Variants in AFG2B observed in about 807,000 individuals in gnomAD.
The protein encoded by AFG2B is AAA ATPase AFG2B.
At chr15:45,417,221 T>C in the AFG2B span, 5 of 1,581,298 alleles carry the variant, frequency 3.2e-6, no homozygotes, top group African/African-American at 5.4e-5. Flanking sequence ...TTTAGAAAAC[T>C]TATTAACAAC....
At chr15:45,415,993 A>G in the AFG2B span, 2 of 388,338 alleles carry the variant, frequency 5.2e-6, no homozygotes, top group Non-Finnish European at 9.1e-6. Flanking sequence ...GGTACATTTT[A>G]TAATAAATTA....
At chr15:45,403,761 C>G in the AFG2B span, among the ~76,000 whole-genome samples, 1 of 152,228 alleles carries the variant, frequency 6.6e-6, no homozygotes, top group Non-Finnish European at 1.5e-5. Flanking sequence ...GACCTGTTTC[C>G]CCAGAGTCTA....
chr15:45,410,565 T>C, the AFG2B span: 2 of 1,560,060 alleles, frequency 1.3e-6, no homozygotes, highest in Non-Finnish European at 1.7e-6. Flanking sequence ...CAGTAGGATA[T>C]TACAGATTAA....
At chr15:45,417,450 A>G in the AFG2B span, 22 of 1,600,532 alleles carry the variant, frequency 1.4e-5, no homozygotes, top group Admixed American at 3.4e-5. Context: ...TTGAATTCCA[A>G]CTTGGATATA....
the AFG2B span, among the ~76,000 whole-genome samples, chr15:45,407,989 C>T: frequency 6.6e-6 from 1 of 152,072 alleles, no homozygotes; most frequent in African/African-American, 2.4e-5. Flanking sequence ...CTGAGTTGAC[C>T]ATTTGGGGGT....
the AFG2B span, among the ~76,000 whole-genome samples, chr15:45,414,061 AAAT>A: frequency 1.3e-5 from 2 of 152,138 alleles, no homozygotes; most frequent in Non-Finnish European, 1.5e-5. Context: ...CAACGTGGAA[AAAT>A]AATAATAGTG....
At chr15:45,402,752 G>T in the AFG2B span, 1 of 1,573,820 alleles carries the variant, frequency 6.4e-7, no homozygotes, top group East Asian at 2.3e-5. Flanking sequence ...CCGCCCCTGC[G>T]GCGCGTCGCC....
chr15:45,412,886 C>T, the AFG2B span, among the ~76,000 whole-genome samples: 1 of 152,120 alleles, frequency 6.6e-6, no homozygotes, highest in Admixed American at 6.5e-5. Flanking sequence ...TGCCAATTCG[C>T]CTACATGTGA....
the AFG2B span, among the ~76,000 whole-genome samples, chr15:45,409,438 T>C: frequency 6.6e-6 from 1 of 151,652 alleles, no homozygotes; most frequent in African/African-American, 2.4e-5. Context: ...GAACACAGCT[T>C]CATATTATCG....
chr15:45,407,688 T>C, the AFG2B span, among the ~76,000 whole-genome samples: 1 of 152,238 alleles, frequency 6.6e-6, no homozygotes, highest in African/African-American at 2.4e-5. Context: ...GCTCTATACA[T>C]ACAGATTCAC....
the AFG2B span, among the ~76,000 whole-genome samples, chr15:45,413,002 AC>A: frequency 9.8e-3 from 1,488 of 152,320 alleles, 22 homozygotes; most frequent in African/African-American, 0.034. Flanking sequence ...TCTCCAGTGA[AC>A]CCTAGAATTT....
At chr15:45,420,014 A>C in the AFG2B span, among the ~76,000 whole-genome samples, 1 of 133,822 alleles carries the variant, frequency 7.5e-6, no homozygotes, top group Admixed American at 7.4e-5. Context: ...AAAAAAAAAA[A>C]CAAAAAACAA....
the AFG2B span, among the ~76,000 whole-genome samples, chr15:45,408,879 CCT>C: frequency 6.6e-6 from 1 of 152,102 alleles, no homozygotes; most frequent in Non-Finnish European, 1.5e-5. Flanking sequence ...AGAGCAAGAC[CCT>C]GTCTCATAAA....
chr15:45,407,789 G>A, the AFG2B span, among the ~76,000 whole-genome samples: 4 of 152,214 alleles, frequency 2.6e-5, no homozygotes, highest in East Asian at 7.7e-4. Context: ...ATATAAGAGG[G>A]CAAATACTTT....
the AFG2B span, chr15:45,403,115 T>C: frequency 6.6e-7 from 1 of 1,510,026 alleles, no homozygotes; most frequent in Non-Finnish European, 8.8e-7. Context: ...CTGACCGCGC[T>C]GGGCTTAGCG....
At chr15:45,419,008 G>A in the AFG2B span, among the ~76,000 whole-genome samples, 3 of 152,198 alleles carry the variant, frequency 2.0e-5, no homozygotes, top group African/African-American at 7.2e-5. Flanking sequence ...TGTATAAACT[G>A]AAATTGGAAG....
chr15:45,403,238 T>G, the AFG2B span: 1 of 1,549,098 alleles, frequency 6.5e-7, no homozygotes, highest in Admixed American at 2.1e-5. Flanking sequence ...GCCCCGGCGC[T>G]GCAGGGTTCC....
the AFG2B span, chr15:45,417,348 A>G: frequency 1.9e-6 from 3 of 1,614,004 alleles, no homozygotes; most frequent in African/African-American, 2.7e-5. Flanking sequence ...CTGCTTTGTT[A>G]CGACCTGGAA....
the AFG2B span, among the ~76,000 whole-genome samples, chr15:45,420,390 T>C: frequency 0.081 from 12,330 of 152,202 alleles, 1,664 homozygotes; most frequent in African/African-American, 0.28. Context: ...GTTTGATCTA[T>C]TCCTTTATAA....
Sources: gnomAD v4.1 joint callset for allele counts (sites outside exome capture counted in the v4.1 genomes callset) on GRCh38, gnomAD v4.1.1 for gene constraint, MANE v1.5 for transcripts, NCBI Gene and HGNC (gene_info 2026-07-23, HGNC 2026-07-21) for gene names.